Variants in SCNN1B observed in about 807,000 individuals in gnomAD.
SCNN1B encodes sodium channel epithelial 1 subunit beta, also known as epithelial sodium channel subunit beta.
Under a neutral mutation model 65.3 loss-of-function variants are expected in SCNN1B, and 46 were observed. The ratio of observed to expected loss-of-function variants is 0.70; its 90% CI spans 0.56 to 0.90. SCNN1B has a LOEUF of 0.90. Among genes scored for constraint, SCNN1B ranks in the 40% least tolerant of loss-of-function variants. The pLI is 0.00. For missense variants in SCNN1B, 751 were observed against 830.5 expected (o/e 0.90, Z 1.18); for synonymous variants, 349 against 330.6 (o/e 1.06, Z -0.60).
At chr16:23,328,530 G>T (rs1305282701) in intron 1 of SCNN1B, among the ~76,000 whole-genome samples, 1 of 152,188 alleles carries the variant, frequency 6.6e-6, no homozygotes, top group Non-Finnish European at 1.5e-5. Flanking sequence ...TCTTTGGTCT[G>T]TCTTTGCTAC....
intron 2 of SCNN1B, among the ~76,000 whole-genome samples, chr16:23,296,554 C>A (rs868100194): frequency 1.3e-5 from 2 of 152,062 alleles, no homozygotes; most frequent in South Asian, 2.1e-4. Flanking sequence ...CTTGACACCT[C>A]CAGGTCTGTG....
chr16:23,363,606 A>G (rs1962593584), intron 4 of SCNN1B, among the ~76,000 whole-genome samples: 1 of 152,218 alleles, frequency 6.6e-6, no homozygotes, highest in South Asian at 2.1e-4. Flanking sequence ...TGAGGCCAGG[A>G]GTTCAAGACC....
At chr16:23,294,764 G>C (rs1240905769) in intron 2 of SCNN1B, among the ~76,000 whole-genome samples, 1 of 152,152 alleles carries the variant, frequency 6.6e-6, no homozygotes, top group South Asian at 2.1e-4. Context: ...AGGCCGAGGA[G>C]GGTGGATCAC....
intron 5 of SCNN1B, among the ~76,000 whole-genome samples, chr16:23,370,416 T>C (rs1962758707): frequency 6.6e-6 from 1 of 152,156 alleles, no homozygotes; most frequent in Non-Finnish European, 1.5e-5. Context: ...AAGGAGCTCA[T>C]GTTTAATGAG....
chr16:23,317,819 A>C (rs1414220439), intron 1 of SCNN1B, among the ~76,000 whole-genome samples: 1 of 152,144 alleles, frequency 6.6e-6, no homozygotes, highest in Non-Finnish European at 1.5e-5. Context: ...GGCTGCCACA[A>C]ATGCCTGTGG....
chr16:23,352,215 G>A (rs1243572331), intron 2 of SCNN1B, among the ~76,000 whole-genome samples: 1 of 152,252 alleles, frequency 6.6e-6, no homozygotes, highest in Non-Finnish European at 1.5e-5. Flanking sequence ...CATAGTAGGT[G>A]CTCATTAAAA....
At chr16:23,341,337 C>G (rs1962051405) in intron 1 of SCNN1B, among the ~76,000 whole-genome samples, 1 of 152,058 alleles carries the variant, frequency 6.6e-6, no homozygotes, top group African/African-American at 2.4e-5. Context: ...AATATAAGAG[C>G]TGGAACTATA....
rs1314327657 is a variant in SCNN1B at position 23,356,220 on chromosome 16, C to G, written c.776+731C>G. Reference sequence around the variant, plus strand: ...CCGATGAGGGGATCAGGGTGGGCACCCAGGCATCTGTTGCCTCGGTTTTCT... The same window carrying G: ...CCGATGAGGGGATCAGGGTGGGCACGCAGGCATCTGTTGCCTCGGTTTTCT... On this transcript the variant is annotated intron_variant, in intron 4 of 12. Transcript: ENST00000343070. 2.6e-5 allele frequency among the ~76,000 whole-genome samples: 4 copies of G among 152,130 alleles called. No homozygotes were observed. The East Asian group carries it at 7.7e-4, about 29-fold the overall frequency.
intron 1 of SCNN1B, among the ~76,000 whole-genome samples, chr16:23,312,029 C>G (rs1961355354): frequency 6.6e-6 from 1 of 152,098 alleles, no homozygotes; most frequent in Non-Finnish European, 1.5e-5. Flanking sequence ...CATTACCCCA[C>G]TACATTGGAG....
intron 1 of SCNN1B, among the ~76,000 whole-genome samples, chr16:23,345,283 C>A (rs757557332): frequency 1.3e-5 from 2 of 152,132 alleles, no homozygotes; most frequent in East Asian, 1.9e-4. Context: ...CCGGGAGAAG[C>A]CACAGGCACA....
intron 2 of SCNN1B, among the ~76,000 whole-genome samples, chr16:23,297,082 A>G (rs1440569079): frequency 6.6e-6 from 1 of 151,936 alleles, no homozygotes; most frequent in African/African-American, 2.4e-5. Flanking sequence ...CAACCCAGCC[A>G]GAGACCCAGC....
chr16:23,287,406 T>C (rs16939996), intron 2 of SCNN1B, among the ~76,000 whole-genome samples: 14,699 of 151,900 alleles, frequency 0.097, 2,388 homozygotes, highest in African/African-American at 0.34. Context: ...ATTTTGAGGG[T>C]GACCGGGGAA....
chr16:23,278,247 T>G (rs773369270), exon 1 of SCNN1B: 5 of 152,180 alleles, frequency 3.3e-5, no homozygotes, highest in African/African-American at 4.8e-5. Flanking sequence ...GGCTAAAACA[T>G]GCTTGAACCT....
Position 23,353,554 on chromosome 16 carries a change from C to T in SCNN1B, c.585+480C>T, listed in dbSNP as rs543341570. 2.6e-5 allele frequency among the ~76,000 whole-genome samples: 4 copies of T among 152,350 alleles called. No individual in the cohort carries two copies. In the East Asian group the frequency reaches 7.7e-4, roughly 29 times the overall value. Reference sequence around the variant, plus strand: ...GGTCCTAAGAAGACTCATTAGATCACATGCTCACCCCTAAACCAATCACTG... The same window carrying T: ...GGTCCTAAGAAGACTCATTAGATCATATGCTCACCCCTAAACCAATCACTG... On this transcript the variant is annotated intron_variant, in intron 3 of 12. Transcript: ENST00000343070.
chr16:23,348,490 A>C lies in SCNN1B; in HGVS notation c.-8-102A>C. Reference sequence around the variant, plus strand: ...GAGGGGGGAGGGTAAAGAGGGAGGAAGAACGGGGACGTACCGCCGCCCAGT... The same window carrying C: ...GAGGGGGGAGGGTAAAGAGGGAGGACGAACGGGGACGTACCGCCGCCCAGT... On this transcript the variant is annotated intron_variant, in intron 1 of 12. Transcript: ENST00000343070. The surrounding 1 kb of genome is among the most constrained non-coding windows in gnomAD (Gnocchi z 4.5). The C allele has an allele frequency of 2.0e-6, 2 of 1,017,848 alleles. No homozygotes were observed. Among genetic ancestry groups the C allele is most frequent in the Non-Finnish European group, 2.9e-6 (2 of 679,356 alleles). The allele number at this position is 1,017,848 out of a possible 1,614,324, so 63.1% of individuals were successfully genotyped here.
At chr16:23,371,534 C>A in intron 6 of SCNN1B, 72 bp downstream of exon 6, 1 of 1,488,340 alleles carries the variant, frequency 6.7e-7, no homozygotes, top group East Asian at 2.3e-5. Flanking sequence ...GCCAACTGCC[C>A]TTGGCCTGGG....
intron 1 of SCNN1B, among the ~76,000 whole-genome samples, chr16:23,318,197 G>A (rs984469334): frequency 6.6e-6 from 1 of 152,182 alleles, no homozygotes; most frequent in Admixed American, 6.6e-5. Flanking sequence ...TATGAGAGCA[G>A]ACTCTGGAGC....
chr16:23,375,444 T>G (rs532754156), intron 7 of SCNN1B, among the ~76,000 whole-genome samples: 1 of 152,154 alleles, frequency 6.6e-6, no homozygotes, highest in South Asian at 2.1e-4. Context: ...CTCTTCCCCA[T>G]GTTGAAGGGT....
chr16:23,288,579 G>A (rs1567284874), intron 2 of SCNN1B, among the ~76,000 whole-genome samples: 1 of 152,106 alleles, frequency 6.6e-6, no homozygotes, highest in Non-Finnish European at 1.5e-5. Context: ...CAAGGTGGGA[G>A]GATTGCTTGA....
Sources: gnomAD v4.1 joint callset for allele counts (sites outside exome capture counted in the v4.1 genomes callset) on GRCh38, gnomAD v4.1.1 for gene constraint, Gnocchi (gnomAD v3.1) non-coding constraint, MANE v1.5 for transcripts, NCBI Gene and HGNC (gene_info 2026-07-23, HGNC 2026-07-21) for gene names.